AGBL4: variants seen among roughly 807,000 people sequenced by gnomAD.
AGBL4 encodes the protein cytosolic carboxypeptidase 6.
AGBL4 carries 58 observed loss-of-function variants against 66.4 expected under a neutral mutation model. The ratio of observed to expected loss-of-function variants is 0.87; its 90% confidence interval spans 0.71 to 1.09. The LOEUF is 1.09. AGBL4 is among the 50% of genes least tolerant of loss of function. The probability of loss-of-function intolerance (pLI) is 0.00; values close to 1 mark genes in which losing one functional copy is unlikely to be tolerated. For missense variants in AGBL4, 579 were observed against 631.0 expected, an observed-to-expected ratio of 0.92 and a Z score of 0.88; for synonymous variants, 234 against 222.9, an observed-to-expected ratio of 1.05 and a Z score of -0.44.
chr1:48,997,957 T>G (rs1269534183), intron 5 of AGBL4, among the ~76,000 whole-genome samples: 1 of 152,210 alleles, frequency 6.6e-6, no homozygotes, highest in Non-Finnish European at 1.5e-5. Context: ...CTTATAAGCC[T>G]TTCACAGTAA....
intron 3 of AGBL4, among the ~76,000 whole-genome samples, chr1:49,319,425 G>T (rs189249443): frequency 6.6e-5 from 10 of 152,236 alleles, no homozygotes; most frequent in African/African-American, 2.2e-4. Context: ...AAAAAGTCTG[G>T]AATTAGGCAC....
chr1:48,542,474 C>G (rs1326835753), intron 11 of AGBL4, among the ~76,000 whole-genome samples: 1 of 152,174 alleles, frequency 6.6e-6, no homozygotes, highest in Non-Finnish European at 1.5e-5. Context: ...TAAAAGCGTT[C>G]CTATTTCTTC....
chr1:49,279,028 T>A (rs171334), intron 3 of AGBL4, among the ~76,000 whole-genome samples: 7,999 of 152,194 alleles, frequency 0.053, 234 homozygotes, highest in African/African-American at 0.069. Context: ...AAGCTGAGAA[T>A]TGGAATAGAT....
intron 3 of AGBL4, among the ~76,000 whole-genome samples, chr1:49,258,165 T>C (rs1652728173): frequency 6.6e-6 from 1 of 151,814 alleles, no homozygotes; most frequent in Non-Finnish European, 1.5e-5. Flanking sequence ...TACATCACCA[T>C]CACCAAAGAC....
chr1:49,344,282 G>A (rs1645596027), intron 3 of AGBL4, among the ~76,000 whole-genome samples: 1 of 151,834 alleles, frequency 6.6e-6, no homozygotes, highest in Admixed American at 6.6e-5. Context: ...TGCACAATGT[G>A]CACATGTACC....
intron 1 of AGBL4, among the ~76,000 whole-genome samples, chr1:49,916,067 A>C (rs1278130673): frequency 6.6e-6 from 1 of 152,180 alleles, no homozygotes; most frequent in Non-Finnish European, 1.5e-5. Flanking sequence ...GGACATCCAC[A>C]CCAAAACCCC....
chr1:49,467,541 A>G (rs1284183807), intron 3 of AGBL4, among the ~76,000 whole-genome samples: 1 of 151,834 alleles, frequency 6.6e-6, no homozygotes, highest in African/African-American at 2.4e-5. Flanking sequence ...TGAGGGCACC[A>G]TCCACGTCAA....
chr1:48,767,156 G>T (rs916081886), intron 6 of AGBL4, among the ~76,000 whole-genome samples: 1 of 152,154 alleles, frequency 6.6e-6, no homozygotes, highest in African/African-American at 2.4e-5. Context: ...TGAATCAGGT[G>T]GTCCTAATTT....
At chr1:48,996,364 A>G (rs937497831) in intron 5 of AGBL4, among the ~76,000 whole-genome samples, 3 of 152,212 alleles carry the variant, frequency 2.0e-5, no homozygotes, top group African/African-American at 7.2e-5. Context: ...TAGCTGGGGA[A>G]GAGCAAAGAA....
intron 5 of AGBL4, among the ~76,000 whole-genome samples, chr1:48,965,174 C>A (rs991589126): frequency 2.0e-5 from 3 of 152,096 alleles, no homozygotes; most frequent in Non-Finnish European, 4.4e-5. Flanking sequence ...AGATGAAAGG[C>A]AGACAGAAAG....
chr1:49,832,917 T>C (rs1339122384), intron 2 of AGBL4, among the ~76,000 whole-genome samples: 3 of 152,214 alleles, frequency 2.0e-5, no homozygotes, highest in East Asian at 1.9e-4. Flanking sequence ...GAGTAGGTTG[T>C]GAAAATTTTC....
At chr1:49,157,983 C>T (rs1325548983) in intron 4 of AGBL4, among the ~76,000 whole-genome samples, 1 of 152,000 alleles carries the variant, frequency 6.6e-6, no homozygotes, top group Non-Finnish European at 1.5e-5. Context: ...GATATTAGCC[C>T]TTTGTCAGAT....
chr1:48,860,824 A>G (rs1188728570), intron 6 of AGBL4, among the ~76,000 whole-genome samples: 1 of 152,236 alleles, frequency 6.6e-6, no homozygotes, highest in African/African-American at 2.4e-5. Context: ...AGAAAACCAG[A>G]AAATTTCCTT....
At chr1:48,833,312 T>C (rs1220182312) in intron 6 of AGBL4, among the ~76,000 whole-genome samples, 1 of 152,216 alleles carries the variant, frequency 6.6e-6, no homozygotes, top group Non-Finnish European at 1.5e-5. Flanking sequence ...TTTTGCAATC[T>C]GTTATTAAGT....
intron 4 of AGBL4, among the ~76,000 whole-genome samples, chr1:49,113,058 C>A (rs1199419601): frequency 2.0e-5 from 3 of 151,458 alleles, no homozygotes; most frequent in Non-Finnish European, 4.4e-5. Context: ...TTGCGCCATT[C>A]TCCTGTCTCA....
chr1:49,360,637 A>G (rs1001692156), intron 3 of AGBL4, among the ~76,000 whole-genome samples: 3 of 152,204 alleles, frequency 2.0e-5, no homozygotes, highest in Non-Finnish European at 4.4e-5. Context: ...AAATGTACTC[A>G]GGACAGCTTA....
intron 3 of AGBL4, among the ~76,000 whole-genome samples, chr1:49,386,828 T>G (rs1644746386): frequency 1.3e-5 from 2 of 151,980 alleles, no homozygotes; most frequent in African/African-American, 4.8e-5. Flanking sequence ...ATATTCTCTC[T>G]AGCTAGTTAA....
chr1:49,256,232 CTGA>C lies in AGBL4; in HGVS notation c.283-10371_283-10369del, dbSNP rs952672208. On this transcript the variant is annotated intron_variant, in intron 3 of 13. Transcript: ENST00000371839. ...TGAGGTAATGTATATCTTAATTACC[CTGA>C]TTAGATCATTATACATTCTATACAT... Among the ~76,000 whole-genome samples, 22 of 151,908 alleles carry C rather than the reference CTGA, an allele frequency of 1.4e-4. No individual in the cohort carries two copies. In the East Asian group the frequency reaches 3.7e-3, roughly 25 times the overall value.
chr1:49,584,230 A>G (rs1644604115), intron 3 of AGBL4, among the ~76,000 whole-genome samples: 1 of 152,236 alleles, frequency 6.6e-6, no homozygotes. Context: ...GGAAGATTAA[A>G]TAAGAACAAT....
Sources: allele counts gnomAD v4.1 joint callset (sites outside exome capture counted in the v4.1 genomes callset), GRCh38; gene constraint gnomAD v4.1.1; transcripts MANE v1.5; gene names NCBI Gene and HGNC (gene_info 2026-07-23, HGNC 2026-07-21).